Variants in CAV1 observed in about 807,000 individuals in gnomAD.
The protein encoded by CAV1 is caveolin-1.
Under a neutral mutation model 16.5 loss-of-function variants are expected in CAV1, and 10 were observed. The ratio of observed to expected loss-of-function variants is 0.61; its 90% confidence interval spans 0.37 to 1.03. CAV1 has a LOEUF of 1.03. Among genes scored for constraint, CAV1 ranks in the 50% least tolerant of loss-of-function variants. CAV1 has a pLI of 0.01. For missense variants in CAV1, 212 were observed against 232.8 expected (o/e 0.91, Z 0.58); for synonymous variants, 76 against 85.1 (o/e 0.89, Z 0.59).
At chr7:116,546,761 A>G (rs183307122) in intron 2 of CAV1, among the ~76,000 whole-genome samples, 2 of 151,834 alleles carry the variant, frequency 1.3e-5, no homozygotes, top group Non-Finnish European at 2.9e-5. Flanking sequence ...AGAAATCCCA[A>G]ATCCTATCCC....
Position 116,559,178 on chromosome 7 carries a change from G to T in CAV1, c.428G>T (p.Cys143Phe). Residue 143 changes from cysteine to phenylalanine, a missense_variant, in exon 3 of 3, where the codon TGC becomes TTC. Transcript: ENST00000341049. ...AAGAGCTTCCTGATTGAGATTCAGTGCATCAGCCGTGTCTATTCCATCTAC... is the reference window on the plus strand; with the variant it reads ...AAGAGCTTCCTGATTGAGATTCAGTTCATCAGCCGTGTCTATTCCATCTAC... ...CIKSFLIEIQ[C>F]ISRVYSIYVH... 1 of 1,613,912 alleles carries T rather than the reference G, an allele frequency of 6.2e-7. No homozygotes were observed. The highest frequency in any genetic ancestry group is 8.5e-7 in the Non-Finnish European group (1 of 1,179,846).
In CAV1 at chr7:116,526,442, C is replaced by A. The variant is rs369214169; in HGVS notation, c.31-83C>A. On this transcript the variant is annotated intron_variant, in intron 1 of 2. Coordinates refer to ENST00000341049, the MANE Select transcript of CAV1 (RefSeq NM_001753.5). Reference sequence around the variant, plus strand: ...CCCCGCCGCCAGGCTGACTTCTCATCGCTTGTTTTTCTTTTTGCATTTTTC... The same window carrying A: ...CCCCGCCGCCAGGCTGACTTCTCATAGCTTGTTTTTCTTTTTGCATTTTTC... 12 of 1,603,232 alleles carry A rather than the reference C, an allele frequency of 7.5e-6. No individual in the cohort carries two copies. The South Asian group carries it at 1.2e-4, about 16-fold the overall frequency.
intron 2 of CAV1, among the ~76,000 whole-genome samples, chr7:116,545,081 T>C (rs1264217683): frequency 1.3e-5 from 2 of 152,222 alleles, no homozygotes; most frequent in Non-Finnish European, 2.9e-5. Flanking sequence ...TTTCTCAACT[T>C]CAAATTGTGT....
At chr7:116,525,983 G>A (rs961801121) in intron 1 of CAV1, 48 of 287,284 alleles carry the variant, frequency 1.7e-4, no homozygotes, top group African/African-American at 1.0e-3. Flanking sequence ...CCAAGAAGCA[G>A]CGATAAAGGG....
rs533277195 is a variant in CAV1 at position 116,555,894 on chromosome 7, G to T, written c.196-3052G>T. Among the ~76,000 whole-genome samples the T allele has an allele frequency of 2.6e-5, 4 of 152,184 alleles. No homozygotes were observed. The East Asian group carries it at 7.7e-4, about 29-fold the overall frequency. ...CTCTATTGTTTCTTTAACCTGCCTT[G>T]CTTCCTTTTTCAGTTGCACCTAATT... is the stretch of plus-strand genomic sequence containing the variant. On this transcript the variant is annotated intron_variant, in intron 2 of 2. Coordinates refer to ENST00000341049, the MANE Select transcript of CAV1 (RefSeq NM_001753.5).
intron 2 of CAV1, among the ~76,000 whole-genome samples, chr7:116,538,060 C>G (rs1428814783): frequency 1.3e-5 from 2 of 152,134 alleles, no homozygotes; most frequent in Admixed American, 1.3e-4. Flanking sequence ...GAGGGGTAAG[C>G]ATGAGGAAAG....
rs1485315515 is a variant in CAV1, at chr7:116,559,302, A to T, written c.*15A>T. On this transcript the variant is annotated 3_prime_UTR_variant, in exon 3 of 3. Transcript: ENST00000341049. Reference sequence around the variant, plus strand: ...AAGAAATATAAATGACATTTCAAGGATAGAAGTATACCTGATTTTTTTTCC... The same window carrying T: ...AAGAAATATAAATGACATTTCAAGGTTAGAAGTATACCTGATTTTTTTTCC... 1.4e-5 allele frequency: 22 copies of T among 1,590,880 alleles called. No individual in the cohort carries two copies. The highest frequency in any genetic ancestry group is 2.7e-5 in the African/African-American group (2 of 74,394).
intron 2 of CAV1, among the ~76,000 whole-genome samples, chr7:116,536,321 C>A (rs1292122599): frequency 6.6e-6 from 1 of 152,166 alleles, no homozygotes; most frequent in Non-Finnish European, 1.5e-5. Flanking sequence ...GTGTGATGAC[C>A]CAATCAGGCT....
Position 116,526,637 on chromosome 7 carries a change from A to G in CAV1, c.143A>G (p.Glu48Gly). 2 of 1,614,150 alleles carry G rather than the reference A, an allele frequency of 1.2e-6. No individual in the cohort carries two copies. The change falls in exon 2 of 3, where the codon GAG (glutamate) becomes GGG (glycine). Residue 48 changes from glutamate to glycine, a missense_variant. Transcript: ENST00000341049. ...CAAGTGTACGACGCGCACACCAAGG[A>G]GATCGACCTGGTCAACCGCGACCCT... Reference protein sequence around the residue: ...EKQVYDAHTKEIDLVNRDPKH... With the variant: ...EKQVYDAHTKGIDLVNRDPKH...
intron 2 of CAV1, among the ~76,000 whole-genome samples, chr7:116,557,341 T>C (rs920962456): frequency 1.3e-5 from 2 of 152,226 alleles, no homozygotes; most frequent in African/African-American, 2.4e-5. Context: ...TCTTTGGCAC[T>C]GAGTAGCTCC....
At chr7:116,527,856 C>G (rs531090970) in intron 2 of CAV1, among the ~76,000 whole-genome samples, 1 of 152,100 alleles carries the variant, frequency 6.6e-6, no homozygotes, top group South Asian at 2.1e-4. Flanking sequence ...ACAGTTTAAT[C>G]TGTAACTGGA....
chr7:116,560,357 C>T lies in CAV1; in HGVS notation c.*1070C>T, dbSNP rs1794384377. On this transcript the variant is annotated 3_prime_UTR_variant, in exon 3 of 3. Coordinates refer to ENST00000341049, the MANE Select transcript of CAV1 (RefSeq NM_001753.5). ...GTTTAGTGGCTCAACATTGTGTTCC[C>T]ATTTCAGCTGATCAGTGGGCCTCCA... 6.6e-6 allele frequency: 1 copy of T among 152,266 alleles called. No homozygotes were observed. Among genetic ancestry groups the T allele is most frequent in the South Asian group, 2.1e-4 (1 of 4,828 alleles). The allele number at this position is 152,266 out of a possible 1,614,324, so 9.4% of individuals were successfully genotyped here. A position where few individuals can be genotyped will look rare whatever the true frequency, so the allele number is the denominator to read the frequency against.
At chr7:116,535,118 T>C (rs1793781224) in intron 2 of CAV1, among the ~76,000 whole-genome samples, 1 of 152,158 alleles carries the variant, frequency 6.6e-6, no homozygotes, top group Non-Finnish European at 1.5e-5. Flanking sequence ...CCAGCACTAC[T>C]CAGCCGCAAG....
At chr7:116,555,455 G>T (rs1407587906) in intron 2 of CAV1, among the ~76,000 whole-genome samples, 1 of 39,356 alleles carries the variant, frequency 2.5e-5, no homozygotes, top group Non-Finnish European at 5.2e-5. Flanking sequence ...AAGAAAGGAA[G>T]GAAGGAAGGA....
chr7:116,558,362 C>G (rs1011105429), intron 2 of CAV1, among the ~76,000 whole-genome samples: 1 of 152,068 alleles, frequency 6.6e-6, no homozygotes, highest in Non-Finnish European at 1.5e-5. Context: ...TAGTTCTCAA[C>G]CTTTTGTGTG....
At chr7:116,525,262 A>G in intron 1 of CAV1, 170 bp downstream of exon 1, 1 of 1,591,344 alleles carries the variant, frequency 6.3e-7, no homozygotes, top group Non-Finnish European at 8.6e-7. Flanking sequence ...GGAGGTGAAG[A>G]GAAGCCAGGA....
rs1335650683 is a variant in CAV1, at chr7:116,545,252, T to A, written c.196-13694T>A. Reference sequence around the variant, plus strand: ...ACTTGGGTAGAGAAGCGGGGATGCTTATAATCATCCTACAGTGCACAGGAC... The same window carrying A: ...ACTTGGGTAGAGAAGCGGGGATGCTAATAATCATCCTACAGTGCACAGGAC... On this transcript the variant is annotated intron_variant, in intron 2 of 2. Coordinates refer to ENST00000341049, the MANE Select transcript of CAV1 (RefSeq NM_001753.5). Among the ~76,000 whole-genome samples the A allele has an allele frequency of 2.0e-5, 3 of 152,258 alleles. 1 individual carries two copies. The highest frequency in any genetic ancestry group is 6.8e-3 in the Middle Eastern group (2 of 294).
chr7:116,539,585 C>T (rs1192115431), intron 2 of CAV1, among the ~76,000 whole-genome samples: 1 of 152,086 alleles, frequency 6.6e-6, no homozygotes, highest in Non-Finnish European at 1.5e-5. Context: ...AATTCAAAAA[C>T]ATTTAGTCTA....
rs769406995 is a variant in CAV1, at chr7:116,559,261, C to T, written c.511C>T (p.Arg171Cys). ...TGTTGGGAAAATATTCAGCAATGTCCGCATCAACTTGCAGAAAGAAATATA... is the reference window on the plus strand; with the variant it reads ...TGTTGGGAAAATATTCAGCAATGTCTGCATCAACTTGCAGAAAGAAATATA... ...EAVGKIFSNV[R>C]INLQKEI The change falls in exon 3 of 3, where the codon CGC becomes TGC. Residue 171 changes from arginine (R) to cysteine (C), a missense_variant. Transcript: ENST00000341049. The T allele has an allele frequency of 1.5e-5, 24 of 1,612,794 alleles. No homozygotes were observed. The highest frequency in any genetic ancestry group is 3.3e-5 in the Admixed American group (2 of 59,962).
Sources: allele counts gnomAD v4.1 joint callset (sites outside exome capture counted in the v4.1 genomes callset), GRCh38; gene constraint gnomAD v4.1.1; transcripts MANE v1.5; gene names NCBI Gene and HGNC (gene_info 2026-07-23, HGNC 2026-07-21).